Variants in VPS54 observed in about 807,000 individuals in gnomAD.
The protein encoded by VPS54 is VPS54 subunit of GARP complex, also known as vacuolar protein sorting-associated protein 54.
In VPS54, 45 loss-of-function variants were observed where a neutral mutation model predicts 121.5. That is an observed-to-expected ratio of 0.37 (90% confidence interval 0.29 to 0.47). The LOEUF (loss-of-function observed/expected upper bound fraction) is 0.47, where lower values mean the gene tolerates loss of function less well. Among genes scored for constraint, VPS54 ranks in the 20% least tolerant of loss-of-function variants. The pLI, the probability that VPS54 is intolerant of heterozygous loss-of-function variation, is 0.99. For synonymous variants in VPS54, 371 were observed against 385.8 expected (o/e 0.96, Z 0.45); for missense variants, 1,090 against 1,131.4 (o/e 0.96, Z 0.52).
chr2:63,953,837 T>TA (rs1675372144), intron 7 of VPS54, among the ~76,000 whole-genome samples: 2 of 152,206 alleles, frequency 1.3e-5, no homozygotes, highest in Non-Finnish European at 1.5e-5. Flanking sequence ...TCTTCAATCT[T>TA]ACATATGCGT....
At chr2:63,939,443 G>C (rs1298966725) in intron 11 of VPS54, among the ~76,000 whole-genome samples, 1 of 152,052 alleles carries the variant, frequency 6.6e-6, no homozygotes, top group Non-Finnish European at 1.5e-5. Context: ...TTGTCTTTGA[G>C]AAATAAATGC....
chr2:63,918,195 A>G (rs1673474765), intron 15 of VPS54, among the ~76,000 whole-genome samples: 1 of 152,048 alleles, frequency 6.6e-6, no homozygotes, highest in South Asian at 2.1e-4. Context: ...CAAGGTATGT[A>G]AAAGAAACCT....
rs1241026668 is a variant in VPS54 at position 63,933,868 on chromosome 2, C to A, written c.1544G>T (p.Gly515Val). 6.8e-6 allele frequency: 11 copies of A among 1,613,796 alleles called. No individual in the cohort carries two copies. Among genetic ancestry groups the A allele is most frequent in the Non-Finnish European group, 9.3e-6 (11 of 1,179,838 alleles). The stretch of plus-strand genomic sequence containing the variant: ...ACCGAATGCATCACTTATAAACATG[C>A]CTTCATGGATTAAATAAGCCACCTC... ...DTEVAYLIHE[G>V]MFISDAFGEG... Residue 515 changes from glycine to valine, a missense_variant, in exon 12 of 23, where the codon GGC (glycine) becomes GTC (valine). Coordinates refer to ENST00000272322, the MANE Select transcript of VPS54 (RefSeq NM_016516.3).
Position 63,981,839 on chromosome 2 carries a change from T to C in VPS54, c.185A>G (p.His62Arg), listed in dbSNP as rs377477905. The C allele has an allele frequency of 5.6e-6, 9 of 1,613,472 alleles. No individual in the cohort carries two copies. The East Asian group carries it at 6.7e-5, about 12-fold the overall frequency. ...TTTGGAATGATATACAGTCCATCTA[T>C]GTTGATCTGTAACTAGAGATGGGGC... ...YVAPSLVTDQ[H>R]RWTVYHSKVN... is the part of the protein sequence containing the mutation. Residue 62 changes from histidine (H) to arginine (R), a missense_variant, in exon 3 of 23, where the codon CAT becomes CGT. Around this residue, in one of 2 missense-constraint regions of VPS54, gnomAD observed 801 missense variants for 757.0 expected, o/e 1.06. Coordinates refer to ENST00000272322, the MANE Select transcript of VPS54 (RefSeq NM_016516.3).
intron 1 of VPS54, among the ~76,000 whole-genome samples, chr2:63,996,686 G>T (rs755772556): frequency 3.9e-5 from 6 of 152,160 alleles, no homozygotes; most frequent in Admixed American, 1.3e-4. Context: ...ATTCCCGGCC[G>T]GGGAGGGGGG....
At position 63,931,640 on chromosome 2, in the gene VPS54, G is replaced by C. The variant is rs904594762; in HGVS notation, c.1739+2033C>G. On this transcript the variant is annotated intron_variant, in intron 12 of 22. Transcript: ENST00000272322. ...ACACCAAAAGCAATGGCAACAAAAG[G>C]CAAAATTGACAAATGGGATCTAATT... is the stretch of plus-strand genomic sequence containing the variant. Among the ~76,000 whole-genome samples the C allele has an allele frequency of 4.6e-5, 7 of 152,114 alleles. No individual in the cohort carries two copies. The South Asian group carries it at 1.2e-3, about 27-fold the overall frequency.
intron 20 of VPS54, among the ~76,000 whole-genome samples, chr2:63,902,856 T>C (rs1391623232): frequency 6.6e-6 from 1 of 152,146 alleles, no homozygotes; most frequent in Non-Finnish European, 1.5e-5. Context: ...TAATCCCAGC[T>C]ACTCCAGAGG....
At chr2:63,977,114 C>A (rs1194454204) in intron 3 of VPS54, among the ~76,000 whole-genome samples, 2 of 152,162 alleles carry the variant, frequency 1.3e-5, no homozygotes, top group Non-Finnish European at 2.9e-5. Flanking sequence ...CAGGCATGAG[C>A]CACCATGCCC....
chr2:63,897,027 T>A (rs997565242), intron 22 of VPS54, among the ~76,000 whole-genome samples: 7 of 152,182 alleles, frequency 4.6e-5, no homozygotes, highest in Admixed American at 2.6e-4. Context: ...ACTATGCTAT[T>A]TTACAGTAAT....
At chr2:63,949,197 T>C (rs1009941781) in intron 7 of VPS54, 34 bp from the exon 8 acceptor site, 2 of 1,582,172 alleles carry the variant, frequency 1.3e-6, no homozygotes, top group Non-Finnish European at 1.7e-6. Flanking sequence ...ATATTTATAT[T>C]CACTAAAAAC....
At chr2:63,988,277 T>A (rs1256994454) in intron 1 of VPS54, among the ~76,000 whole-genome samples, 1 of 152,252 alleles carries the variant, frequency 6.6e-6, no homozygotes, top group Non-Finnish European at 1.5e-5. Context: ...GATATGTTTT[T>A]TCTCCTTCAT....
chr2:63,978,114 C>T (rs910267356), intron 3 of VPS54, among the ~76,000 whole-genome samples: 10 of 152,310 alleles, frequency 6.6e-5, no homozygotes, highest in African/African-American at 1.4e-4. Context: ...CCCTGGGCTG[C>T]GACCTTCACA....
intron 8 of VPS54, 115 bp from the exon 9 acceptor site, chr2:63,947,605 A>C (rs1675041811): frequency 1.1e-6 from 1 of 925,152 alleles, no homozygotes; most frequent in South Asian, 2.2e-5. Flanking sequence ...ATCCTGCACA[A>C]AGTATTTTCT....
intron 8 of VPS54, 139 bp from the exon 9 acceptor site, chr2:63,947,629 C>T (rs1675042217): frequency 1.4e-6 from 1 of 715,192 alleles, no homozygotes; most frequent in African/African-American, 1.8e-5. Flanking sequence ...AGCCTGAAAA[C>T]CCCTCCCACA....
In VPS54 at chr2:63,920,555, C is replaced by G. The variant is rs1431412910; in HGVS notation, c.1942G>C (p.Asp648His). 2 of 1,575,586 alleles carry G rather than the reference C, an allele frequency of 1.3e-6. No individual in the cohort carries two copies. Among genetic ancestry groups the G allele is most frequent in the East Asian group, 4.8e-5 (2 of 41,690 alleles). Reference sequence around the variant, plus strand: ...TTTCTTCCACAGATCTGTTCGGTGTCTAAAATGAATGTTTCCATTAATCTA... The same window carrying G: ...TTTCTTCCACAGATCTGTTCGGTGTGTAAAATGAATGTTTCCATTAATCTA... ...LSRLMETFIL[D>H]TEQICGRKST... The change falls in exon 14 of 23, where the codon GAC becomes CAC. Residue 648 changes from aspartate (D) to histidine (H), a missense_variant. By Grantham distance (81) the Asp-to-His change is moderately conservative. Coordinates refer to ENST00000272322, the MANE Select transcript of VPS54 (RefSeq NM_016516.3).
intron 1 of VPS54, among the ~76,000 whole-genome samples, chr2:63,988,105 G>A (rs764157542): frequency 3.1e-4 from 47 of 152,176 alleles, no homozygotes; most frequent in Non-Finnish European, 5.4e-4. Flanking sequence ...TCAGATCTTA[G>A]AAGAAGGGCT....
chr2:63,949,543 T>C (rs1182307223), intron 7 of VPS54, among the ~76,000 whole-genome samples: 1 of 152,230 alleles, frequency 6.6e-6, no homozygotes, highest in Non-Finnish European at 1.5e-5. Context: ...TATACTATAT[T>C]CTTACAATAA....
intron 1 of VPS54, among the ~76,000 whole-genome samples, chr2:63,998,497 C>T (rs1048963761): frequency 4.6e-5 from 7 of 152,014 alleles, no homozygotes; most frequent in Non-Finnish European, 1.0e-4. Flanking sequence ...CTGTCTTCCT[C>T]TTAGTAAAGG....
At chr2:63,945,407 G>A (rs554238783) in intron 9 of VPS54, among the ~76,000 whole-genome samples, 1 of 152,228 alleles carries the variant, frequency 6.6e-6, no homozygotes, top group African/African-American at 2.4e-5. Flanking sequence ...GAGGGTGGGA[G>A]GAGAGAAATG....
Sources: gnomAD v4.1 joint callset for allele counts (sites outside exome capture counted in the v4.1 genomes callset) on GRCh38, gnomAD v4.1.1 for gene constraint, gnomAD v4.1.1 regional missense constraint, MANE v1.5 for transcripts, NCBI Gene and HGNC (gene_info 2026-07-23, HGNC 2026-07-21) for gene names.